CLVS1: variants seen among roughly 807,000 people sequenced by gnomAD.
CLVS1 encodes the protein clavesin-1.
CLVS1 carries 10 observed loss-of-function variants against 33.1 expected under a neutral mutation model. That is an observed-to-expected ratio of 0.30 (90% CI 0.19 to 0.51). The LOEUF (loss-of-function observed/expected upper bound fraction) is 0.51. CLVS1 is among the 20% of genes least tolerant of loss of function. CLVS1 has a pLI of 0.97. For synonymous variants in CLVS1, 163 were observed against 166.1 expected (o/e 0.98, Z 0.14); for missense variants, 343 against 433.4 (o/e 0.79, Z 1.85).
At chr8:61,038,295 A>G in the CLVS1 span, among the ~76,000 whole-genome samples, 1 of 152,052 alleles carries the variant, frequency 6.6e-6, no homozygotes, top group Admixed American at 6.6e-5. Context: ...CTGGGTCCCC[A>G]GGGAGTTCAT....
the CLVS1 span, among the ~76,000 whole-genome samples, chr8:61,050,087 T>C: frequency 6.6e-6 from 1 of 152,362 alleles, no homozygotes; most frequent in East Asian, 1.9e-4. Flanking sequence ...TGGACTTAAC[T>C]CTTTGGAGTC....
intron 2 of CLVS1, among the ~76,000 whole-genome samples, chr8:61,340,268 T>G (rs911873024): frequency 1.2e-4 from 18 of 152,214 alleles, no homozygotes; most frequent in African/African-American, 2.9e-4. Context: ...CTAACTATAG[T>G]CACCATGATG....
intron 3 of CLVS1, among the ~76,000 whole-genome samples, chr8:61,411,765 C>T (rs971979825): frequency 1.3e-5 from 2 of 152,198 alleles, no homozygotes; most frequent in African/African-American, 4.8e-5. Context: ...TCCTTCTCTT[C>T]TCAGTCCCTA....
intron 2 of CLVS1, among the ~76,000 whole-genome samples, chr8:61,225,581 A>C (rs1220389721): frequency 6.6e-6 from 1 of 152,208 alleles, no homozygotes; most frequent in East Asian, 1.9e-4. Flanking sequence ...ATTTTTCTAA[A>C]TTCATATCAT....
chr8:60,978,005 A>G, the CLVS1 span, among the ~76,000 whole-genome samples: 18 of 152,234 alleles, frequency 1.2e-4, no homozygotes, highest in Non-Finnish European at 1.2e-4. Flanking sequence ...TTCCTTATGT[A>G]AAGTCCTGGA....
intron 2 of CLVS1, among the ~76,000 whole-genome samples, chr8:61,176,308 C>CTAA (rs1807110631): frequency 6.6e-6 from 1 of 152,116 alleles, no homozygotes; most frequent in Non-Finnish European, 1.5e-5. Context: ...CCCAGTCATT[C>CTAA]CACCTGAGGC....
chr8:61,165,240 A>G (rs1194885337), intron 2 of CLVS1, among the ~76,000 whole-genome samples: 1 of 152,232 alleles, frequency 6.6e-6, no homozygotes, highest in African/African-American at 2.4e-5. Context: ...CGGGTCTGCG[A>G]CAGTGGCAAA....
At chr8:61,485,098 TC>T (rs1163061362) in intron 5 of CLVS1, among the ~76,000 whole-genome samples, 1 of 151,658 alleles carries the variant, frequency 6.6e-6, no homozygotes, top group African/African-American at 2.4e-5. Flanking sequence ...ACAAATGGTA[TC>T]TAATTAAACT....
chr8:61,367,858 A>C (rs1443000200), intron 2 of CLVS1, among the ~76,000 whole-genome samples: 3 of 152,218 alleles, frequency 2.0e-5, no homozygotes, highest in African/African-American at 7.2e-5. Flanking sequence ...CAGGAAAGTA[A>C]AATTACTTTT....
rs568844419 is a variant in CLVS1 at position 61,407,624 on chromosome 8, A to G, written c.630+30845A>G. On this transcript the variant is annotated intron_variant, in intron 3 of 5. Coordinates refer to ENST00000325897, the MANE Select transcript of CLVS1 (RefSeq NM_173519.3). ...GGAGGAAAAATAGATTCACTTTAGT[A>G]CAAGTTCCACTGATTCTCAAGAAAG... Among the ~76,000 whole-genome samples the G allele has an allele frequency of 1.8e-4, 28 of 152,390 alleles. No homozygotes were observed. In the South Asian group the frequency reaches 4.3e-3, roughly 24 times the overall value.
At chr8:61,305,837 C>T (rs576250149) in intron 2 of CLVS1, among the ~76,000 whole-genome samples, 1 of 152,248 alleles carries the variant, frequency 6.6e-6, no homozygotes, top group African/African-American at 2.4e-5. Flanking sequence ...TATTAGTTTG[C>T]TAAGGATAAT....
rs1420000023 is a variant in CLVS1, at chr8:61,299,777, G to C, written c.-51G>C. On this transcript the variant is annotated 5_prime_UTR_variant, in exon 2 of 6. Coordinates refer to ENST00000325897, the MANE Select transcript of CLVS1 (RefSeq NM_173519.3). The stretch of plus-strand genomic sequence containing the variant: ...CTATTTGTCTGTTCCGGGGCAGCCT[G>C]GTAGTAAAACACTGTTGAATGGGCC... The C allele has an allele frequency of 6.6e-6, 9 of 1,367,602 alleles. No homozygotes were observed. Among genetic ancestry groups the C allele is most frequent in the Non-Finnish European group, 8.1e-6 (8 of 981,982 alleles). The allele number at this position is 1,367,602 out of a possible 1,614,324, so 84.7% of individuals were successfully genotyped here.
At chr8:61,068,159 G>A (rs572175055) in intron 1 of CLVS1, among the ~76,000 whole-genome samples, 70 of 149,498 alleles carry the variant, frequency 4.7e-4, no homozygotes, top group Admixed American at 1.1e-3. Flanking sequence ...GTGACAGAGC[G>A]AGACTCTGTC....
At chr8:61,016,644 G>C in the CLVS1 span, among the ~76,000 whole-genome samples, 2 of 152,210 alleles carry the variant, frequency 1.3e-5, no homozygotes, top group Non-Finnish European at 2.9e-5. Context: ...CCAGGGGGTG[G>C]GGGAAGAAAA....
intron 5 of CLVS1, among the ~76,000 whole-genome samples, chr8:61,466,489 G>T (rs925164995): frequency 1.3e-5 from 2 of 152,160 alleles, no homozygotes; most frequent in African/African-American, 4.8e-5. Context: ...ATTCAGGGGT[G>T]TAGGCCGGAA....
intron 5 of CLVS1, among the ~76,000 whole-genome samples, chr8:61,478,534 G>T (rs577654711): frequency 6.6e-6 from 1 of 152,174 alleles, no homozygotes; most frequent in Non-Finnish European, 1.5e-5. Flanking sequence ...AGGATAGTTA[G>T]TTCTTCTTGT....
At chr8:61,332,715 A>G (rs1811645228) in intron 2 of CLVS1, among the ~76,000 whole-genome samples, 1 of 152,092 alleles carries the variant, frequency 6.6e-6, no homozygotes, top group African/African-American at 2.4e-5. Context: ...ATCTTGGCTC[A>G]CTGCAACCTC....
At position 61,484,397 on chromosome 8, in the gene CLVS1, G is replaced by A. The variant is rs1803790574; in HGVS notation, c.978-15058G>A. On this transcript the variant is annotated intron_variant, in intron 5 of 5. Coordinates refer to ENST00000325897, the MANE Select transcript of CLVS1 (RefSeq NM_173519.3). ...AATCCAACTTACAAGGGATGTGAAG[G>A]ACTTATTCAAGGAGAACTACAAACC... is the stretch of plus-strand genomic sequence containing the variant. Among the ~76,000 whole-genome samples the A allele has an allele frequency of 2.6e-5, 4 of 152,066 alleles. No individual in the cohort carries two copies. The South Asian group carries it at 8.3e-4, about 31-fold the overall frequency.
chr8:61,408,355 C>A (rs776198934), intron 3 of CLVS1, among the ~76,000 whole-genome samples: 1 of 152,150 alleles, frequency 6.6e-6, no homozygotes, highest in Non-Finnish European at 1.5e-5. Context: ...AAGGCAAGTG[C>A]AAAGGCCTTT....
Sources: gnomAD v4.1 joint callset for allele counts (sites outside exome capture counted in the v4.1 genomes callset) on GRCh38, gnomAD v4.1.1 for gene constraint, MANE v1.5 for transcripts, NCBI Gene and HGNC (gene_info 2026-07-23, HGNC 2026-07-21) for gene names.